Variants in AGBL1 observed in about 807,000 individuals in gnomAD.
AGBL1 encodes the protein AGBL carboxypeptidase 1, also known as cytosolic carboxypeptidase 4.
In AGBL1, 130 loss-of-function variants were observed where a neutral mutation model predicts 118.9. The observed-to-expected ratio is 1.09, with a 90% CI of 0.95 to 1.26. The LOEUF is 1.26. Among genes scored for constraint, AGBL1 ranks in the 50% most tolerant of loss-of-function variants. AGBL1 has a pLI of 0.00. For missense variants in AGBL1, 1,584 were observed against 1,298.1 expected (o/e 1.22, Z -3.38); for synonymous variants, 555 against 478.9 (o/e 1.16, Z -2.08).
intron 19 of AGBL1, among the ~76,000 whole-genome samples, chr15:86,540,397 C>T (rs1172935333): frequency 6.6e-6 from 1 of 152,050 alleles, no homozygotes. Context: ...AGTTTGAGAC[C>T]AGCCTGAGCA....
At chr15:86,231,425 G>C (rs567187015) in intron 6 of AGBL1, among the ~76,000 whole-genome samples, 55 of 152,264 alleles carry the variant, frequency 3.6e-4, no homozygotes, top group African/African-American at 1.0e-3. Context: ...ATAACTTCTG[G>C]AGAAGCATGC....
At chr15:86,708,894 C>G (rs146723966) in intron 22 of AGBL1, among the ~76,000 whole-genome samples, 1 of 152,112 alleles carries the variant, frequency 6.6e-6, no homozygotes, top group South Asian at 2.1e-4. Context: ...CCTAAATCAT[C>G]CATTTTGTTG....
chr15:86,902,460 G>A (rs1382658465), intron 22 of AGBL1, among the ~76,000 whole-genome samples: 1 of 151,882 alleles, frequency 6.6e-6, no homozygotes, highest in East Asian at 1.9e-4. Flanking sequence ...AAAAACTTAG[G>A]AAAAGAAAAA....
chr15:86,557,474 C>T (rs2083750933), intron 21 of AGBL1, among the ~76,000 whole-genome samples: 1 of 152,180 alleles, frequency 6.6e-6, no homozygotes, highest in Non-Finnish European at 1.5e-5. Flanking sequence ...CTAACTTGGA[C>T]AGCAAAGTGG....
intron 17 of AGBL1, among the ~76,000 whole-genome samples, chr15:86,326,647 T>C (rs1484250351): frequency 1.3e-5 from 2 of 152,202 alleles, no homozygotes; most frequent in African/African-American, 4.8e-5. Context: ...AATTAGAGTA[T>C]TCAGGATTGA....
intron 1 of AGBL1, chr15:86,110,058 T>C (rs1897270360): frequency 6.6e-6 from 1 of 152,234 alleles, no homozygotes; most frequent in Admixed American, 6.5e-5. Flanking sequence ...TATGTCTATG[T>C]AAACACATGA....
rs773679360 is a variant in AGBL1 at position 86,264,310 on chromosome 15, C to A, written c.1139C>A (p.Ala380Asp). Residue 380 changes from alanine (A) to aspartate (D), a missense_variant, in exon 11 of 23, where the codon GCC becomes GAC. Transcript: ENST00000614907. ...DDLNSEKTQY[A>D]NHHHIPAAAS... Reference sequence around the variant, plus strand: ...TTGAACTCTGAAAAGACTCAGTATGCCAATCACCACCACATTCCAGCCGCT... The same window carrying A: ...TTGAACTCTGAAAAGACTCAGTATGACAATCACCACCACATTCCAGCCGCT... 42 of 1,610,022 alleles carry A rather than the reference C, an allele frequency of 2.6e-5. No individual in the cohort carries two copies. The highest frequency in any genetic ancestry group is 3.3e-5 in the Non-Finnish European group (39 of 1,178,174).
chr15:86,745,600 A>G (rs2077744657), intron 22 of AGBL1, among the ~76,000 whole-genome samples: 1 of 151,992 alleles, frequency 6.6e-6, no homozygotes, highest in Non-Finnish European at 1.5e-5. Context: ...ATTTTCAAAT[A>G]CTACGTGGTG....
chr15:86,494,610 A>T (rs1362939372), intron 18 of AGBL1, among the ~76,000 whole-genome samples: 1 of 152,006 alleles, frequency 6.6e-6, no homozygotes, highest in Non-Finnish European at 1.5e-5. Flanking sequence ...TCACCTACCG[A>T]TCAGGCTCAT....
At chr15:86,928,051 T>A (rs1476903716) in intron 23 of AGBL1, among the ~76,000 whole-genome samples, 1 of 152,128 alleles carries the variant, frequency 6.6e-6, no homozygotes, top group Non-Finnish European at 1.5e-5. Context: ...TAGAAATAAA[T>A]GTATAAAACA....
At chr15:86,160,284 C>CA (rs1192201743) in intron 5 of AGBL1, among the ~76,000 whole-genome samples, 5 of 151,524 alleles carry the variant, frequency 3.3e-5, no homozygotes, top group Admixed American at 6.6e-5. Flanking sequence ...ACTCAGGGAC[C>CA]AAAAAAATTT....
At chr15:86,663,065 C>T (rs371213809) in intron 21 of AGBL1, among the ~76,000 whole-genome samples, 5 of 152,256 alleles carry the variant, frequency 3.3e-5, no homozygotes, top group African/African-American at 1.2e-4. Context: ...TTTTCACTGG[C>T]GTGACTATAC....
chr15:86,349,234 T>G (rs1424706256), intron 17 of AGBL1, among the ~76,000 whole-genome samples: 1 of 152,220 alleles, frequency 6.6e-6, no homozygotes, highest in Admixed American at 6.5e-5. Context: ...TATAAAGCCA[T>G]TGTTTTAAGC....
intron 1 of AGBL1, among the ~76,000 whole-genome samples, chr15:86,134,716 C>T (rs1439162799): frequency 8.2e-5 from 12 of 145,732 alleles, no homozygotes; most frequent in Admixed American, 5.8e-4. Context: ...CAGGTTCAAA[C>T]GACTCTTCTG....
intron 22 of AGBL1, among the ~76,000 whole-genome samples, chr15:86,705,311 A>G (rs575538176): frequency 6.6e-6 from 1 of 152,270 alleles, no homozygotes; most frequent in East Asian, 1.9e-4. Context: ...ACAAAACAAA[A>G]CAAAAACCCT....
At chr15:86,963,260 A>G (rs1005683495) in intron 23 of AGBL1, among the ~76,000 whole-genome samples, 16 of 152,094 alleles carry the variant, frequency 1.1e-4, no homozygotes, top group African/African-American at 3.4e-4. Flanking sequence ...AATGGCATGA[A>G]TGTGCCACGG....
At chr15:86,781,074 A>G (rs2078329483) in intron 22 of AGBL1, among the ~76,000 whole-genome samples, 1 of 152,142 alleles carries the variant, frequency 6.6e-6, no homozygotes. Flanking sequence ...TATTGTAAAT[A>G]GCACCCTTTA....
chr15:86,528,052 A>C (rs2083290556), intron 19 of AGBL1, among the ~76,000 whole-genome samples: 1 of 152,188 alleles, frequency 6.6e-6, no homozygotes, highest in Non-Finnish European at 1.5e-5. Flanking sequence ...GCTACGTGTC[A>C]GGGATACAAA....
At chr15:86,445,006 T>C (rs1779600920) in intron 18 of AGBL1, among the ~76,000 whole-genome samples, 1 of 152,302 alleles carries the variant, frequency 6.6e-6, no homozygotes, top group Admixed American at 6.5e-5. Flanking sequence ...GGTGCTTATA[T>C]ATAAAAAGGT....
Sources: allele counts gnomAD v4.1 joint callset (sites outside exome capture counted in the v4.1 genomes callset), GRCh38; gene constraint gnomAD v4.1.1; transcripts MANE v1.5; gene names NCBI Gene and HGNC (gene_info 2026-07-23, HGNC 2026-07-21).